The following MNDA variants were observed in gnomAD, a reference collection of about 807,000 sequenced individuals.
The protein encoded by MNDA is myeloid cell nuclear differentiation antigen.
In MNDA, 43 loss-of-function variants were observed where a neutral mutation model predicts 37.8. The observed-to-expected ratio is 1.14, with a 90% CI of 0.89 to 1.47. MNDA has a LOEUF of 1.47. Among genes scored for constraint, MNDA ranks in the 40% most tolerant of loss-of-function variants. The probability of loss-of-function intolerance (pLI) is 0.00; values close to 1 mark genes in which losing one functional copy is unlikely to be tolerated. For synonymous variants in MNDA, 181 were observed against 169.0 expected (o/e 1.07, Z -0.55); for missense variants, 536 against 476.0 (o/e 1.13, Z -1.17).
At chr1:158,834,697 C>A (rs920656898) in intron 1 of MNDA, among the ~76,000 whole-genome samples, 3 of 152,062 alleles carry the variant, frequency 2.0e-5, no homozygotes, top group African/African-American at 7.2e-5. Flanking sequence ...AAACCCATTG[C>A]CAAATCCAAT....
intron 3 of MNDA, among the ~76,000 whole-genome samples, 169 bp from the exon 4 acceptor site, chr1:158,843,785 AT>A (rs1368391034): frequency 1.3e-5 from 2 of 152,156 alleles, no homozygotes; most frequent in Non-Finnish European, 2.9e-5. Flanking sequence ...TCTATGCCCA[AT>A]ATTATCTATT....
At position 158,849,217 on chromosome 1, in the gene MNDA, G is replaced by A. The variant is rs761448098; in HGVS notation, c.1204G>A (p.Gly402Arg). The A allele has an allele frequency of 8.1e-6, 13 of 1,611,114 alleles. No individual in the cohort carries two copies. The South Asian group carries it at 1.3e-4, about 16-fold the overall frequency. Reference protein sequence around the residue: ...KVIKAKKNKEGPMNVN With the variant: ...KVIKAKKNKERPMNVN ...CATCAAGGCCAAGAAAAACAAGGAA[G>A]GACCAATGAATGTTAATTGAAATAT... The change falls in exon 7 of 7, where the codon GGA becomes AGA. Residue 402 changes from glycine to arginine, a missense_variant. Transcript: ENST00000368141.
In MNDA at chr1:158,844,037, C is replaced by T. The variant is rs758460453; in HGVS notation, c.485C>T (p.Ser162Leu). The part of the protein sequence containing the change: ...SQEQSKPPGP[S>L]GASTSAAVDH... Reference sequence around the variant, plus strand: ...GAGCAGAGTAAGCCCCCAGGTCCCTCAGGAGCCAGCACATCTGCAGCTGTG... The same window carrying T: ...GAGCAGAGTAAGCCCCCAGGTCCCTTAGGAGCCAGCACATCTGCAGCTGTG... The change falls in exon 4 of 7, where the codon TCA (serine) becomes TTA (leucine). Residue 162 changes from serine to leucine, a missense_variant. Physicochemically the swap from Ser to Leu is moderately radical, Grantham distance 145. Transcript: ENST00000368141. 2.9e-5 allele frequency: 47 copies of T among 1,613,756 alleles called. No individual in the cohort carries two copies. Among genetic ancestry groups the T allele is most frequent in the Admixed American group, 6.7e-5 (4 of 59,934 alleles).
intron 5 of MNDA, 123 bp downstream of exon 5, chr1:158,846,126 A>T (rs1049822818): frequency 6.3e-6 from 6 of 949,360 alleles, no homozygotes; most frequent in Non-Finnish European, 7.8e-6. Context: ...ATAGTGATGA[A>T]GTTGTCCCAC....
chr1:158,844,209 C>A, intron 4 of MNDA, 87 bp downstream of exon 4: 1 of 1,215,974 alleles, frequency 8.2e-7, no homozygotes, highest in Non-Finnish European at 1.1e-6. Context: ...TCATGCATAA[C>A]TCTTCATATT....
At chr1:158,836,278 T>G (rs891849141) in intron 1 of MNDA, among the ~76,000 whole-genome samples, 5 of 152,050 alleles carry the variant, frequency 3.3e-5, no homozygotes, top group African/African-American at 4.8e-5. Flanking sequence ...TTTCAAATTT[T>G]GAAAGACTTT....
chr1:158,836,110 G>A lies in MNDA; in HGVS notation c.-21+4553G>A, dbSNP rs116820301. Among the ~76,000 whole-genome samples, 730 of 151,196 alleles carry A rather than the reference G, an allele frequency of 4.8e-3. 5 individuals are homozygous for A. The highest frequency in any genetic ancestry group is 0.017 in the African/African-American group (703 of 41,284). ...GTCATGATGCATAAATAAATTTAACGTGCTATATAATTATGTTCGCTAGCA... is the reference window on the plus strand; with the variant it reads ...GTCATGATGCATAAATAAATTTAACATGCTATATAATTATGTTCGCTAGCA... On this transcript the variant is annotated intron_variant, in intron 1 of 6. Transcript: ENST00000368141.
At chr1:158,844,854 CTT>C (rs1342711238) in intron 4 of MNDA, among the ~76,000 whole-genome samples, 1 of 151,970 alleles carries the variant, frequency 6.6e-6, no homozygotes, top group Non-Finnish European at 1.5e-5. Flanking sequence ...TGTTGATTGT[CTT>C]TGATAATTTC....
At chr1:158,832,945 T>C (rs1658834648) in intron 1 of MNDA, among the ~76,000 whole-genome samples, 1 of 152,122 alleles carries the variant, frequency 6.6e-6, no homozygotes, top group South Asian at 2.1e-4. Flanking sequence ...TTTGTTTCAA[T>C]TTATAGCACT....
chr1:158,845,002 C>T (rs1014803724), intron 4 of MNDA, among the ~76,000 whole-genome samples: 2 of 152,116 alleles, frequency 1.3e-5, no homozygotes, highest in African/African-American at 2.4e-5. Flanking sequence ...GAAGATTATT[C>T]TGAGTCAATG....
intron 1 of MNDA, among the ~76,000 whole-genome samples, chr1:158,833,765 G>A (rs973874177): frequency 6.6e-6 from 1 of 152,124 alleles, no homozygotes; most frequent in Non-Finnish European, 1.5e-5. Context: ...AAGGACACTT[G>A]TAATACTTTC....
Position 158,843,288 on chromosome 1 carries a change from A to T in MNDA, c.275A>T (p.Lys92Ile), listed in dbSNP as rs201456265. ...TCTTTTCTTTTGTCAGTTGCTAAGA[A>T]AATTAAAACACAAGAAAAAGCTCCA... ...LRKEKSKVAKKIKTQEKAPVK... is the reference protein window; with the variant it reads ...LRKEKSKVAKIIKTQEKAPVK... Residue 92 changes from lysine (K) to isoleucine (I), a missense_variant, in exon 3 of 7, where the codon AAA (lysine) becomes ATA (isoleucine). By Grantham distance (102) the Lys-to-Ile change is moderately radical (BLOSUM62 -3). Transcript: ENST00000368141. The T allele has an allele frequency of 1.5e-4, 247 of 1,609,098 alleles. No individual in the cohort carries two copies. Among genetic ancestry groups the T allele is most frequent in the Non-Finnish European group, 2.0e-4 (232 of 1,178,256 alleles).
At chr1:158,839,590 C>G (rs374867302) in intron 1 of MNDA, among the ~76,000 whole-genome samples, 1 of 152,170 alleles carries the variant, frequency 6.6e-6, no homozygotes, top group East Asian at 1.9e-4. Context: ...AAGGAACCTA[C>G]AGAGAAGCTA....
Position 158,837,135 on chromosome 1 carries a change from A to C in MNDA, c.-20-4999A>C, listed in dbSNP as rs553668092. Among the ~76,000 whole-genome samples, 7 of 151,978 alleles carry C rather than the reference A, an allele frequency of 4.6e-5. No individual in the cohort carries two copies. The South Asian group carries it at 1.5e-3, about 32-fold the overall frequency. On this transcript the variant is annotated intron_variant, in intron 1 of 6. Transcript: ENST00000368141. ...CTAATTTGTGGTATATGTTGGGACA[A>C]TGTTCCATATGTTCGTGTGAAAAAT... is the stretch of plus-strand genomic sequence containing the variant.
chr1:158,836,284 A>T (rs1658914304), intron 1 of MNDA, among the ~76,000 whole-genome samples: 1 of 152,102 alleles, frequency 6.6e-6, no homozygotes, highest in East Asian at 1.9e-4. Context: ...ATTTTGAAAG[A>T]CTTTGAGGAA....
At chr1:158,833,302 A>G (rs1294506108) in intron 1 of MNDA, among the ~76,000 whole-genome samples, 2 of 152,240 alleles carry the variant, frequency 1.3e-5, no homozygotes, top group Non-Finnish European at 2.9e-5. Flanking sequence ...AGCTTTGAAT[A>G]TAATAATTGT....
rs751496931 is a variant in MNDA, at chr1:158,843,316, GA to G, written c.310del (p.Ile104Ter). ...KIKTQEKAPV[K>X]KINQEEVGLA... Reference sequence around the variant, plus strand: ...TTAAAACACAAGAAAAAGCTCCAGTGAAAAAAATAAACCAGGAAGAAGTGGG... The same window carrying G: ...TTAAAACACAAGAAAAAGCTCCAGTGAAAAAATAAACCAGGAAGAAGTGGG... On this transcript the variant is annotated frameshift_variant, in exon 3 of 7. Transcript: ENST00000368141. LOFTEE classifies it high-confidence loss of function. 6.2e-6 allele frequency: 10 copies of G among 1,610,700 alleles called. No individual in the cohort carries two copies. The highest frequency in any genetic ancestry group is 3.3e-5 in the South Asian group (3 of 90,676).
chr1:158,848,025 A>T, intron 6 of MNDA, 109 bp downstream of exon 6: 1 of 981,786 alleles, frequency 1.0e-6, no homozygotes, highest in Non-Finnish European at 1.5e-6. Context: ...CAGCGAGTGG[A>T]AGGAGAACCT....
intron 3 of MNDA, 106 bp downstream of exon 3, chr1:158,843,521 G>T: frequency 8.4e-7 from 1 of 1,192,018 alleles, no homozygotes; most frequent in Non-Finnish European, 1.1e-6. Context: ...TACCAAATTA[G>T]TAATTATGGA....
Sources: allele counts gnomAD v4.1 joint callset (sites outside exome capture counted in the v4.1 genomes callset), GRCh38; gene constraint gnomAD v4.1.1; transcripts MANE v1.5; gene names NCBI Gene and HGNC (gene_info 2026-07-23, HGNC 2026-07-21).